The following KNG1 variants were observed in gnomAD, a reference collection of about 807,000 sequenced individuals.
KNG1 encodes kininogen-1.
A neutral mutation model predicts 47.8 loss-of-function variants in KNG1; 23 were observed. The ratio of observed to expected loss-of-function variants is 0.48; its 90% confidence interval spans 0.35 to 0.68. KNG1 has a LOEUF of 0.68. KNG1 is among the 30% of genes least tolerant of loss of function. KNG1 has a pLI of 0.01. For missense variants in KNG1, 762 were observed against 790.2 expected (o/e 0.96, Z 0.43); for synonymous variants, 277 against 277.0 (o/e 1.00, Z 0.00).
In KNG1 at chr3:186,732,549, A is replaced by T; in HGVS notation, c.805A>T (p.Arg269Ter). Residue 269 changes from arginine to a stop codon, truncating the protein, a stop_gained, in exon 7 of 10, where the codon AGA (arginine) becomes TGA (stop). Transcript: ENST00000644859. LOFTEE classifies it high-confidence loss of function. ...PPTKICVGCP[R>*]DIPTNSPELE... ...TACCAAGATTTGCGTGGGCTGCCCC[A>T]GAGATATACCCACCAACAGCCCAGA... The T allele has an allele frequency of 1.2e-6, 2 of 1,614,214 alleles. No homozygotes were observed. The highest frequency in any genetic ancestry group is 1.7e-6 in the Non-Finnish European group (2 of 1,180,036).
chr3:186,742,321 G>A lies in KNG1; in HGVS notation c.1925G>A (p.Gly642Asp). The change falls in exon 10 of 10, where the codon GGC becomes GAC. Residue 642 changes from glycine to aspartate, a missense_variant. Gly to Asp is a moderately conservative substitution (Grantham distance 94). Transcript: ENST00000644859. ...KESYYFDLTDGLS is the reference protein window; with the variant it reads ...KESYYFDLTDDLS ...TCTTATTATTTCGATCTCACTGATG[G>A]CCTTTCTTAATTTAAGTGGCTATGG... 2.5e-6 allele frequency: 4 copies of A among 1,613,852 alleles called. No homozygotes were observed. Among genetic ancestry groups the A allele is most frequent in the Non-Finnish European group, 3.4e-6 (4 of 1,179,920 alleles).
chr3:186,723,807 C>A (rs555004086), intron 3 of KNG1, among the ~76,000 whole-genome samples: 2 of 152,202 alleles, frequency 1.3e-5, no homozygotes, highest in Admixed American at 6.5e-5. Context: ...GGCATCGCCA[C>A]CACGCCCGGA....
chr3:186,733,588 C>T (rs147614325), intron 7 of KNG1, among the ~76,000 whole-genome samples: 39 of 152,256 alleles, frequency 2.6e-4, no homozygotes, highest in East Asian at 1.7e-3. Context: ...TAGCATCTGC[C>T]GCTCACATCC....
intron 2 of KNG1, among the ~76,000 whole-genome samples, chr3:186,720,784 CTT>C (rs1167537831): frequency 5.6e-5 from 5 of 89,772 alleles, no homozygotes; most frequent in Admixed American, 1.3e-4. Flanking sequence ...TGTTGTTTTG[CTT>C]TTTTTTTTTT....
chr3:186,738,416 A>T (rs987815258), intron 7 of KNG1: 12 of 151,524 alleles, frequency 7.9e-5, no homozygotes, highest in Admixed American at 2.0e-4. Context: ...TTGGCAGGAC[A>T]ATAAGGCATA....
rs753254120 is a variant in KNG1 at position 186,742,355 on chromosome 3, T to C, written c.*24T>C. ...AATTTAAGTGGCTATGGGTATTTCT[T>C]TCATACTTTATTAAAGTATCAATAT... On this transcript the variant is annotated 3_prime_UTR_variant, in exon 10 of 10. Coordinates refer to ENST00000644859, the MANE Select transcript of KNG1 (RefSeq NM_001102416.3). 1 of 1,612,514 alleles carries C rather than the reference T, an allele frequency of 6.2e-7. No individual in the cohort carries two copies. The highest frequency in any genetic ancestry group is 1.3e-5 in the African/African-American group (1 of 75,044).
intron 3 of KNG1, among the ~76,000 whole-genome samples, chr3:186,724,582 C>T (rs1463737994): frequency 6.6e-6 from 1 of 152,038 alleles, no homozygotes; most frequent in Non-Finnish European, 1.5e-5. Flanking sequence ...AGATCATTTG[C>T]CCACTTTTTA....
intron 3 of KNG1, among the ~76,000 whole-genome samples, 160 bp downstream of exon 3, chr3:186,722,681 G>T (rs1174055138): frequency 6.6e-6 from 1 of 152,226 alleles, no homozygotes; most frequent in Non-Finnish European, 1.5e-5. Flanking sequence ...GAGCCCGGAG[G>T]TTGAGCCAGG....
rs924368361 is a variant in KNG1, at chr3:186,742,544, C to A, written c.*213C>A. 2.1e-6 allele frequency: 3 copies of A among 1,396,520 alleles called. No individual in the cohort carries two copies. The Admixed American group carries it at 9.1e-5, about 42-fold the overall frequency. The allele number at this position is 1,396,520 out of a possible 1,614,324, so 86.5% of individuals were successfully genotyped here. A position where few individuals can be genotyped will look rare whatever the true frequency, so the allele number is the denominator to read the frequency against. On this transcript the variant is annotated 3_prime_UTR_variant, in exon 10 of 10. Coordinates refer to ENST00000644859, the MANE Select transcript of KNG1 (RefSeq NM_001102416.3). ...CCACAATTCTAACTCTTTTCTGAATCTTCTTCCCAAGTTTTCTAAACTAGC... is the reference window on the plus strand; with the variant it reads ...CCACAATTCTAACTCTTTTCTGAATATTCTTCCCAAGTTTTCTAAACTAGC...
intron 2 of KNG1, 55 bp downstream of exon 2, chr3:186,720,270 T>C (rs949696383): frequency 9.1e-7 from 1 of 1,103,324 alleles, no homozygotes; most frequent in Non-Finnish European, 1.4e-6. Flanking sequence ...CCCTGCCAGA[T>C]TTTTTTACTG....
chr3:186,741,223 A>C (rs1338480460), intron 9 of KNG1, among the ~76,000 whole-genome samples: 1 of 152,014 alleles, frequency 6.6e-6, no homozygotes, highest in African/African-American at 2.4e-5. Flanking sequence ...CAAACTCCTG[A>C]CCTCAAGTGA....
chr3:186,726,733 C>T (rs1040967112), intron 4 of KNG1, among the ~76,000 whole-genome samples: 5 of 152,056 alleles, frequency 3.3e-5, no homozygotes, highest in African/African-American at 7.2e-5. Flanking sequence ...CAATTATGTC[C>T]GTATAGTGCT....
chr3:186,730,956 AT>A (rs5030042), intron 5 of KNG1, among the ~76,000 whole-genome samples: 4,179 of 151,544 alleles, frequency 0.028, 179 homozygotes, highest in African/African-American at 0.097. Flanking sequence ...TTCCCACCAT[AT>A]TATTTCTATC....
At chr3:186,722,764 G>C (rs1459416053) in intron 3 of KNG1, among the ~76,000 whole-genome samples, 1 of 152,194 alleles carries the variant, frequency 6.6e-6, no homozygotes, top group Admixed American at 6.5e-5. Flanking sequence ...GTGTGCAAGG[G>C]CTCAACAGAA....
At position 186,720,283 on chromosome 3, in the gene KNG1, G is replaced by A. The variant is rs1424252063; in HGVS notation, c.306+68G>A. ...GACCCTGCCAGATTTTTTTACTGAT[G>A]CAGAAATGATGGCTACTGGTGAGCC... On this transcript the variant is annotated intron_variant, in intron 2 of 9. Coordinates refer to ENST00000644859, the MANE Select transcript of KNG1 (RefSeq NM_001102416.3). 6.2e-6 allele frequency: 6 copies of A among 972,924 alleles called. No homozygotes were observed. The Admixed American group carries it at 9.4e-5, about 15-fold the overall frequency. The allele number at this position is 972,924 out of a possible 1,614,324, so 60.3% of individuals were successfully genotyped here. A position where few individuals can be genotyped will look rare whatever the true frequency, so the allele number is the denominator to read the frequency against.
Position 186,742,397 on chromosome 3 carries a change from C to T in KNG1, c.*66C>T, listed in dbSNP as rs1720840640. The T allele has an allele frequency of 3.7e-6, 6 of 1,600,562 alleles. No individual in the cohort carries two copies. The South Asian group carries it at 5.6e-5, about 15-fold the overall frequency. On this transcript the variant is annotated 3_prime_UTR_variant, in exon 10 of 10. Coordinates refer to ENST00000644859, the MANE Select transcript of KNG1 (RefSeq NM_001102416.3). ...TATCAATATCCCTCTCTCCATTGTCCAGATGAAAATATCCTGATATAATGC... is the reference window on the plus strand; with the variant it reads ...TATCAATATCCCTCTCTCCATTGTCTAGATGAAAATATCCTGATATAATGC...
Position 186,730,707 on chromosome 3 carries a change from TATATATATAC to T in KNG1, c.673-836_673-827del, listed in dbSNP as rs1415729696. Reference sequence around the variant, plus strand: ...AAATATATATATATATATATATATATATATATATACACACACACACACATATATATATACA... The same window carrying T: ...AAATATATATATATATATATATATATACACACACACACATATATATATACA... On this transcript the variant is annotated intron_variant, in intron 5 of 9. Transcript: ENST00000644859. 6.9e-3 allele frequency among the ~76,000 whole-genome samples: 722 copies of T among 104,980 alleles called. 8 individuals are homozygous for T. The highest frequency in any genetic ancestry group is 0.028 in the African/African-American group (702 of 25,242). The allele number at this position is 104,980 out of a possible 152,430, so 68.9% of individuals were successfully genotyped here.
At chr3:186,726,949 C>G (rs1180291265) in intron 4 of KNG1, among the ~76,000 whole-genome samples, 2 of 151,934 alleles carry the variant, frequency 1.3e-5, no homozygotes, top group Admixed American at 6.6e-5. Flanking sequence ...TAAGGAAATC[C>G]ATGTTCCAAA....
intron 4 of KNG1, 149 bp from the exon 5 acceptor site, chr3:186,727,088 C>A: frequency 3.2e-6 from 2 of 623,472 alleles, no homozygotes; most frequent in Non-Finnish European, 2.9e-6. Context: ...GTTTATTCAG[C>A]ATTTTTTTGC....
Sources: gnomAD v4.1 joint callset for allele counts (sites outside exome capture counted in the v4.1 genomes callset) on GRCh38, gnomAD v4.1.1 for gene constraint, MANE v1.5 for transcripts, NCBI Gene and HGNC (gene_info 2026-07-23, HGNC 2026-07-21) for gene names.